The following ELP4 variants were observed in gnomAD, a reference collection of about 807,000 sequenced individuals.
ELP4 encodes elongator complex protein 4.
In ELP4, 51 loss-of-function variants were observed where a neutral mutation model predicts 48.9. That is an observed-to-expected ratio of 1.04 (90% CI 0.83 to 1.32). The LOEUF (loss-of-function observed/expected upper bound fraction) is 1.32, where lower values mean the gene tolerates loss of function less well. Among genes scored for constraint, ELP4 ranks in the 40% most tolerant of loss-of-function variants. The pLI, the probability that ELP4 is intolerant of heterozygous loss-of-function variation, is 0.00. For synonymous variants in ELP4, 210 were observed against 189.2 expected (o/e 1.11, Z -0.90); for missense variants, 519 against 514.6 (o/e 1.01, Z -0.08).
At chr11:31,598,240 C>T (rs149847344) in intron 4 of ELP4, among the ~76,000 whole-genome samples, 1 of 152,154 alleles carries the variant, frequency 6.6e-6, no homozygotes, top group East Asian at 1.9e-4. Flanking sequence ...AGGTGTGAGC[C>T]ACCGCACCTG....
chr11:31,575,157 A>G (rs1957253117), intron 3 of ELP4, among the ~76,000 whole-genome samples: 1 of 152,238 alleles, frequency 6.6e-6, no homozygotes, highest in South Asian at 2.1e-4. Flanking sequence ...AAGCTTCAGT[A>G]GCCAATTTGA....
intron 3 of ELP4, among the ~76,000 whole-genome samples, chr11:31,578,646 C>T (rs1468888254): frequency 1.3e-5 from 2 of 152,148 alleles, no homozygotes; most frequent in Non-Finnish European, 2.9e-5. Context: ...ACATCTACAG[C>T]CATCTGATCT....
intron 9 of ELP4, among the ~76,000 whole-genome samples, chr11:31,723,700 G>A (rs1194858098): frequency 1.3e-5 from 2 of 152,146 alleles, no homozygotes; most frequent in Non-Finnish European, 2.9e-5. Flanking sequence ...TCACTGTGTG[G>A]TAAAGCGCAC....
chr11:31,748,589 TTAC>T (rs935044715), intron 9 of ELP4, among the ~76,000 whole-genome samples: 1 of 152,152 alleles, frequency 6.6e-6, no homozygotes, highest in Admixed American at 6.5e-5. Flanking sequence ...GACATTTACT[TTAC>T]TAAACACTAA....
chr11:31,557,168 A>T (rs973947248), intron 3 of ELP4, among the ~76,000 whole-genome samples: 4 of 151,840 alleles, frequency 2.6e-5, no homozygotes, highest in South Asian at 4.2e-4. Flanking sequence ...CATCTTTTAA[A>T]TTTTTTTTAT....
At chr11:31,770,205 G>A (rs1434324882) in intron 9 of ELP4, among the ~76,000 whole-genome samples, 1 of 152,132 alleles carries the variant, frequency 6.6e-6, no homozygotes, top group Non-Finnish European at 1.5e-5. Flanking sequence ...CACAAGCCAT[G>A]GGTTAAGCAG....
At chr11:31,748,211 C>A (rs570701124) in intron 9 of ELP4, among the ~76,000 whole-genome samples, 1 of 150,798 alleles carries the variant, frequency 6.6e-6, no homozygotes, top group South Asian at 2.1e-4. Context: ...TACATTTAAA[C>A]AGGTTGCTCT....
At chr11:31,632,559 C>A (rs1944885088) in intron 7 of ELP4, 154 bp downstream of exon 7, 2 of 522,146 alleles carry the variant, frequency 3.8e-6, no homozygotes, top group Non-Finnish European at 6.4e-6. Flanking sequence ...GTCTTTTGTC[C>A]ATTTTTTTAT....
intron 9 of ELP4, among the ~76,000 whole-genome samples, chr11:31,736,874 G>A (rs1189468918): frequency 6.6e-6 from 1 of 152,202 alleles, no homozygotes; most frequent in African/African-American, 2.4e-5. Context: ...TGGTGGGACT[G>A]TAAACTAGTT....
intron 1 of ELP4, among the ~76,000 whole-genome samples, chr11:31,519,398 C>A (rs934275950): frequency 6.6e-6 from 1 of 152,108 alleles, no homozygotes. Context: ...ACATTTAAGT[C>A]TTGAGTATTG....
At chr11:31,743,274 T>G (rs1163912150) in intron 9 of ELP4, among the ~76,000 whole-genome samples, 2 of 152,140 alleles carry the variant, frequency 1.3e-5, no homozygotes, top group Non-Finnish European at 2.9e-5. Flanking sequence ...ACAAAGAGAC[T>G]TAGACTCCCA....
chr11:31,657,614 A>G (rs1377960590), intron 9 of ELP4, among the ~76,000 whole-genome samples: 1 of 151,946 alleles, frequency 6.6e-6, no homozygotes. Context: ...ACTTTGTTCT[A>G]GGTATTGTGT....
intron 1 of ELP4, chr11:31,512,186 A>C (rs1386744976): frequency 6.6e-6 from 1 of 152,216 alleles, no homozygotes; most frequent in Non-Finnish European, 1.5e-5. Flanking sequence ...ACAAAAGGTA[A>C]TGATAATAGG....
chr11:31,707,176 G>A (rs1463482231), intron 9 of ELP4: 1 of 391,554 alleles, frequency 2.6e-6, no homozygotes, highest in Non-Finnish European at 4.5e-6. Context: ...CATAGTTGCT[G>A]CACGAGTTTA....
At chr11:31,562,209 T>C (rs1957034992) in intron 3 of ELP4, among the ~76,000 whole-genome samples, 1 of 152,246 alleles carries the variant, frequency 6.6e-6, no homozygotes, top group Non-Finnish European at 1.5e-5. Flanking sequence ...CTTTTCAAAA[T>C]GTGATAGTTT....
intron 9 of ELP4, among the ~76,000 whole-genome samples, chr11:31,723,312 A>T (rs1345870778): frequency 6.6e-6 from 1 of 152,080 alleles, no homozygotes; most frequent in Non-Finnish European, 1.5e-5. Flanking sequence ...GGGGACAGGG[A>T]CTGCATAGTA....
At chr11:31,676,894 A>C (rs1003326013) in intron 9 of ELP4, among the ~76,000 whole-genome samples, 3 of 152,180 alleles carry the variant, frequency 2.0e-5, no homozygotes, top group Non-Finnish European at 2.9e-5. Flanking sequence ...TCAATTATCA[A>C]TATTTTTATT....
At chr11:31,699,872 A>G (rs1946485408) in intron 9 of ELP4, among the ~76,000 whole-genome samples, 1 of 152,158 alleles carries the variant, frequency 6.6e-6, no homozygotes, top group African/African-American at 2.4e-5. Context: ...AATAGTAGAT[A>G]GATCTAAGTT....
At chr11:31,659,241 C>T (rs1035813826) in intron 9 of ELP4, among the ~76,000 whole-genome samples, 1 of 151,996 alleles carries the variant, frequency 6.6e-6, no homozygotes, top group African/African-American at 2.4e-5. Context: ...GTCATCACTC[C>T]AAGTCACAGT....
Sources: allele counts gnomAD v4.1 joint callset (sites outside exome capture counted in the v4.1 genomes callset), GRCh38; gene constraint gnomAD v4.1.1; transcripts MANE v1.5; gene names NCBI Gene and HGNC (gene_info 2026-07-23, HGNC 2026-07-21).